Variants in CGGBP1 observed in about 807,000 individuals in gnomAD.
CGGBP1 encodes CGG triplet repeat binding protein 1.
A neutral mutation model predicts 11.4 loss-of-function variants in CGGBP1; 4 were observed. The observed-to-expected ratio is 0.35, with a 90% CI of 0.17 to 0.80. CGGBP1 has a LOEUF of 0.80. CGGBP1 is among the 30% of genes least tolerant of loss of function. The pLI is 0.52. For synonymous variants in CGGBP1, 76 were observed against 74.1 expected (o/e 1.03, Z -0.13); for missense variants, 135 against 202.1 (o/e 0.67, Z 2.01).
intron 2 of CGGBP1, among the ~76,000 whole-genome samples, chr3:88,066,587 A>ACC (rs200567944): frequency 8.6e-5 from 13 of 151,396 alleles, no homozygotes; most frequent in Admixed American, 2.0e-4. Context: ...AACAAAAAAA[A>ACC]CAAAAAAACC....
chr3:88,114,985 C>T (rs1411226241), intron 2 of CGGBP1, among the ~76,000 whole-genome samples: 1 of 152,188 alleles, frequency 6.6e-6, no homozygotes, highest in African/African-American at 2.4e-5. Flanking sequence ...TAAGTGCAAA[C>T]CCTAGCTCCG....
chr3:88,076,688 C>G (rs959291412), intron 2 of CGGBP1, among the ~76,000 whole-genome samples: 6 of 152,068 alleles, frequency 3.9e-5, no homozygotes, highest in African/African-American at 1.4e-4. Context: ...ACTTCTTGTG[C>G]GTATATTTTG....
At chr3:88,090,962 A>G (rs1576250801) in intron 2 of CGGBP1, among the ~76,000 whole-genome samples, 1 of 152,332 alleles carries the variant, frequency 6.6e-6, no homozygotes, top group South Asian at 2.1e-4. Context: ...GCAGGCTGCG[A>G]GTTGGACAAG....
At chr3:88,115,731 C>T (rs563283097) in intron 2 of CGGBP1, among the ~76,000 whole-genome samples, 188 of 152,246 alleles carry the variant, frequency 1.2e-3, no homozygotes, top group Middle Eastern at 6.8e-3. Context: ...TACTGGCTTC[C>T]GAAAGTTTTC....
At position 88,058,871 on chromosome 3, in the gene CGGBP1, G is replaced by A. The variant is rs189456094; in HGVS notation, c.-387C>T. ...GACGAGGCCCGGCCGGAAAGGAAAA[G>A]AAAAGGAAGAAAGAGGAGCAAGGGA... On this transcript the variant is annotated 5_prime_UTR_variant, in exon 1 of 4. Coordinates refer to ENST00000482016, the MANE Select transcript of CGGBP1 (RefSeq NM_001008390.2). 2 of 158,760 alleles carry A rather than the reference G, an allele frequency of 1.3e-5. No individual in the cohort carries two copies. Among genetic ancestry groups the A allele is most frequent in the East Asian group, 3.8e-4 (2 of 5,330 alleles). 9.8% of individuals were successfully genotyped at this position (158,760 alleles called of 1,614,324 possible). A position where few individuals can be genotyped will look rare whatever the true frequency, so the allele number is the denominator to read the frequency against.
intron 2 of CGGBP1, among the ~76,000 whole-genome samples, chr3:88,101,374 ATATG>A (rs1335454594): frequency 6.6e-6 from 1 of 152,166 alleles, no homozygotes; most frequent in East Asian, 1.9e-4. Flanking sequence ...ATATCATAGA[ATATG>A]TAGTATTTTG....
intron 2 of CGGBP1, among the ~76,000 whole-genome samples, chr3:88,068,067 T>C (rs1251343003): frequency 6.6e-6 from 1 of 151,942 alleles, no homozygotes; most frequent in Non-Finnish European, 1.5e-5. Flanking sequence ...ATATAGGAGT[T>C]TTGTGGTAGG....
At chr3:88,066,371 C>T (rs1057414563) in intron 2 of CGGBP1, among the ~76,000 whole-genome samples, 6 of 151,850 alleles carry the variant, frequency 4.0e-5, no homozygotes, top group East Asian at 1.9e-4. Flanking sequence ...CTCAGGAGTT[C>T]GATACCAGCC....
At chr3:88,098,842 A>T (rs1332656289) in intron 2 of CGGBP1, among the ~76,000 whole-genome samples, 1 of 152,214 alleles carries the variant, frequency 6.6e-6, no homozygotes, top group African/African-American at 2.4e-5. Flanking sequence ...ATCTCAAAAT[A>T]ATAAGAGCTA....
At chr3:88,103,849 C>T (rs1470120231) in intron 2 of CGGBP1, among the ~76,000 whole-genome samples, 1 of 150,198 alleles carries the variant, frequency 6.7e-6, no homozygotes, top group Admixed American at 6.7e-5. Flanking sequence ...TCACTGCAAC[C>T]TCTGCCTCTC....
intron 2 of CGGBP1, among the ~76,000 whole-genome samples, chr3:88,136,349 A>G (rs546827712): frequency 2.6e-5 from 4 of 152,334 alleles, no homozygotes; most frequent in African/African-American, 9.6e-5. Flanking sequence ...AAATTCAAAG[A>G]TGAAATAAGA....
chr3:88,095,688 A>G (rs1215582178), intron 2 of CGGBP1: 2 of 422,512 alleles, frequency 4.7e-6, no homozygotes, highest in African/African-American at 2.1e-5. Context: ...CTGTCAGCAC[A>G]GTTTGAGAAA....
chr3:88,145,431 C>T (rs1403566434), intron 1 of CGGBP1, among the ~76,000 whole-genome samples: 2 of 152,146 alleles, frequency 1.3e-5, no homozygotes, highest in East Asian at 3.9e-4. Flanking sequence ...AATGATCAGT[C>T]TGATTTATGG....
At chr3:88,084,516 A>G (rs1028868186) in intron 2 of CGGBP1, among the ~76,000 whole-genome samples, 2 of 152,184 alleles carry the variant, frequency 1.3e-5, no homozygotes, top group African/African-American at 4.8e-5. Context: ...TTTACTTTCC[A>G]GCTAGTGAGA....
chr3:88,082,363 G>A (rs761786441), intron 2 of CGGBP1, among the ~76,000 whole-genome samples: 1 of 152,212 alleles, frequency 6.6e-6, no homozygotes, highest in Non-Finnish European at 1.5e-5. Context: ...TTGACCTTGT[G>A]ATCTGCCCGC....
chr3:88,096,809 CT>C (rs1704089181), intron 2 of CGGBP1, among the ~76,000 whole-genome samples: 1 of 152,018 alleles, frequency 6.6e-6, no homozygotes, highest in African/African-American at 2.4e-5. Flanking sequence ...TACCTGTCCC[CT>C]AGTTTCCTAG....
chr3:88,137,890 A>G (rs1706892784), intron 2 of CGGBP1, among the ~76,000 whole-genome samples: 1 of 151,764 alleles, frequency 6.6e-6, no homozygotes, highest in Non-Finnish European at 1.5e-5. Flanking sequence ...TGTAGGCAGT[A>G]TGATATATAT....
chr3:88,085,383 T>A (rs531330404), intron 2 of CGGBP1, among the ~76,000 whole-genome samples: 5 of 152,352 alleles, frequency 3.3e-5, no homozygotes, highest in Non-Finnish European at 7.3e-5. Context: ...TTTATAGATA[T>A]TGAAATTTGA....
chr3:88,087,584 G>A (rs1708403101), intron 2 of CGGBP1, among the ~76,000 whole-genome samples: 2 of 152,168 alleles, frequency 1.3e-5, no homozygotes, highest in African/African-American at 4.8e-5. Flanking sequence ...AGCAGATAGA[G>A]GAATGGTCAT....
Sources: allele counts gnomAD v4.1 joint callset (sites outside exome capture counted in the v4.1 genomes callset), GRCh38; gene constraint gnomAD v4.1.1; transcripts MANE v1.5; gene names NCBI Gene and HGNC (gene_info 2026-07-23, HGNC 2026-07-21).